ATG5: variants seen among roughly 807,000 people sequenced by gnomAD.
ATG5 encodes the protein autophagy protein 5.
A neutral mutation model predicts 36.5 loss-of-function variants in ATG5; 14 were observed. The observed-to-expected ratio is 0.38, with a 90% CI of 0.25 to 0.60. The LOEUF (loss-of-function observed/expected upper bound fraction) is 0.60. Ranked by LOEUF, ATG5 falls within the 20% of genes least tolerant of loss-of-function variation. ATG5 has a pLI of 0.60. For missense variants in ATG5, 195 were observed against 326.7 expected (o/e 0.60, Z 3.11); for synonymous variants, 95 against 101.5 (o/e 0.94, Z 0.38).
chr6:106,213,252 G>A (rs1361549031), intron 6 of ATG5, among the ~76,000 whole-genome samples: 1 of 152,132 alleles, frequency 6.6e-6, no homozygotes, highest in Non-Finnish European at 1.5e-5. Context: ...GTAATACAGT[G>A]TTATGTGATA....
chr6:106,228,395 C>G (rs1307511239), intron 6 of ATG5, among the ~76,000 whole-genome samples: 1 of 152,174 alleles, frequency 6.6e-6, no homozygotes, highest in African/African-American at 2.4e-5. Context: ...TGCCATTGTT[C>G]CTACGCGGCT....
chr6:106,258,994 T>C (rs551802223), intron 5 of ATG5, among the ~76,000 whole-genome samples: 19 of 145,780 alleles, frequency 1.3e-4, no homozygotes, highest in African/African-American at 5.0e-4. Context: ...AAGAAAGGCA[T>C]TGTGATAATC....
At chr6:106,227,559 G>A (rs1007791392) in intron 6 of ATG5, among the ~76,000 whole-genome samples, 1 of 151,882 alleles carries the variant, frequency 6.6e-6, no homozygotes, top group African/African-American at 2.4e-5. Context: ...CTGTGCCACT[G>A]CACTCTTGCA....
At position 106,237,096 on chromosome 6, in the gene ATG5, C is replaced by T. The variant is rs1777931755; in HGVS notation, c.573+11054G>A. ...ATCCACTGTACCTGAAATAGCCCTACTGTTCTACTTTGGTAAATCAGGCAA... is the reference window on the plus strand; with the variant it reads ...ATCCACTGTACCTGAAATAGCCCTATTGTTCTACTTTGGTAAATCAGGCAA... On this transcript the variant is annotated intron_variant, in intron 6 of 7. Coordinates refer to ENST00000369076, the MANE Select transcript of ATG5 (RefSeq NM_004849.4). Among the ~76,000 whole-genome samples the T allele has an allele frequency of 3.9e-5, 6 of 152,258 alleles. No homozygotes were observed. The South Asian group carries it at 1.0e-3, about 26-fold the overall frequency.
At chr6:106,303,390 CTATA>C (rs987138257) in intron 3 of ATG5, among the ~76,000 whole-genome samples, 1 of 152,062 alleles carries the variant, frequency 6.6e-6, no homozygotes, top group Non-Finnish European at 1.5e-5. Context: ...CTGAGTAGAT[CTATA>C]TATATCAAAG....
intron 3 of ATG5, among the ~76,000 whole-genome samples, chr6:106,303,017 G>GT (rs1256862712): frequency 4.0e-5 from 6 of 151,736 alleles, no homozygotes; most frequent in Middle Eastern, 6.8e-3. Context: ...AGAAATTAAG[G>GT]TAAGAGCTCA....
At chr6:106,258,454 ATTACAGTGGGACCAGTG>A (rs1316312153) in intron 5 of ATG5, among the ~76,000 whole-genome samples, 1 of 152,210 alleles carries the variant, frequency 6.6e-6, no homozygotes, top group African/African-American at 2.4e-5. Flanking sequence ...GTTGGTTCTC[ATTACAGTGGGACCAGTG>A]ATGACTTTTA....
At chr6:106,206,551 G>T (rs1324054980) in intron 6 of ATG5, among the ~76,000 whole-genome samples, 3 of 151,808 alleles carry the variant, frequency 2.0e-5, no homozygotes, top group African/African-American at 7.3e-5. Flanking sequence ...TCAGGAGGCT[G>T]AGGCAGGAGA....
At chr6:106,197,869 T>A (rs1186230093) in intron 7 of ATG5, among the ~76,000 whole-genome samples, 3 of 152,148 alleles carry the variant, frequency 2.0e-5, no homozygotes, top group Non-Finnish European at 2.9e-5. Context: ...TAGTTTTTAA[T>A]GTTCTTTAAA....
intron 6 of ATG5, 135 bp from the exon 7 acceptor site, chr6:106,202,224 G>A: frequency 1.7e-6 from 1 of 586,788 alleles, no homozygotes; most frequent in Non-Finnish European, 3.0e-6. Context: ...CAACATCACA[G>A]ATGTGGTATC....
intron 3 of ATG5, among the ~76,000 whole-genome samples, chr6:106,299,673 T>C (rs545727423): frequency 1.3e-5 from 2 of 152,382 alleles, no homozygotes; most frequent in Non-Finnish European, 2.9e-5. Flanking sequence ...CATTTATGTG[T>C]GTGTGTATGT....
intron 6 of ATG5, among the ~76,000 whole-genome samples, chr6:106,220,548 T>A (rs1777206743): frequency 6.6e-6 from 1 of 152,192 alleles, no homozygotes; most frequent in African/African-American, 2.4e-5. Flanking sequence ...ATTGATTTTT[T>A]CTTCTAATAT....
chr6:106,218,825 T>C (rs1222982641), intron 6 of ATG5, among the ~76,000 whole-genome samples: 1 of 152,208 alleles, frequency 6.6e-6, no homozygotes, highest in Non-Finnish European at 1.5e-5. Context: ...AAAAAAACTT[T>C]AAATGTAAGT....
chr6:106,216,898 C>CAAAT (rs139339589), intron 6 of ATG5, among the ~76,000 whole-genome samples: 1 of 151,122 alleles, frequency 6.6e-6, no homozygotes, highest in Non-Finnish European at 1.5e-5. Flanking sequence ...AATAAATAAA[C>CAAAT]AAATAAATAA....
chr6:106,195,022 ATTTCCTG>A (rs1776120625), intron 7 of ATG5, among the ~76,000 whole-genome samples: 1 of 152,186 alleles, frequency 6.6e-6, no homozygotes, highest in Admixed American at 6.5e-5. Context: ...ACCTTTGGTC[ATTTCCTG>A]TTACCTCCAA....
intron 3 of ATG5, among the ~76,000 whole-genome samples, chr6:106,304,633 G>C (rs1770361932): frequency 6.6e-6 from 1 of 152,000 alleles, no homozygotes; most frequent in Non-Finnish European, 1.5e-5. Context: ...TAAAACAACT[G>C]AGATGGAAAT....
chr6:106,309,639 T>C lies in ATG5; in HGVS notation c.109-1148A>G, dbSNP rs139785517. Reference sequence around the variant, plus strand: ...AGTTTTTCCCCCACAGGAAGTATTATCGCCCCTGTTTTAAATAACTTGCCA... The same window carrying C: ...AGTTTTTCCCCCACAGGAAGTATTACCGCCCCTGTTTTAAATAACTTGCCA... On this transcript the variant is annotated intron_variant, in intron 2 of 7. Transcript: ENST00000369076. 4.6e-4 allele frequency among the ~76,000 whole-genome samples: 70 copies of C among 152,302 alleles called. 1 individual carries two copies. In the East Asian group the frequency reaches 0.012, roughly 25 times the overall value.
At chr6:106,267,680 C>T (rs887699982) in intron 5 of ATG5, among the ~76,000 whole-genome samples, 11 of 152,066 alleles carry the variant, frequency 7.2e-5, no homozygotes, top group African/African-American at 2.6e-4. Context: ...CTCAGAAATA[C>T]CACCACAAAT....
At chr6:106,256,821 G>A (rs887216757) in intron 5 of ATG5, among the ~76,000 whole-genome samples, 1 of 152,126 alleles carries the variant, frequency 6.6e-6, no homozygotes. Flanking sequence ...GAAGGCCTAG[G>A]ACATTACTAT....
Sources: gnomAD v4.1 joint callset for allele counts (sites outside exome capture counted in the v4.1 genomes callset) on GRCh38, gnomAD v4.1.1 for gene constraint, MANE v1.5 for transcripts, NCBI Gene and HGNC (gene_info 2026-07-23, HGNC 2026-07-21) for gene names.